Variants in RAPGEF4 observed in about 807,000 individuals in gnomAD.
RAPGEF4 encodes Rap guanine nucleotide exchange factor 4.
In RAPGEF4, 66 loss-of-function variants were observed where a neutral mutation model predicts 147.9. The ratio of observed to expected loss-of-function variants is 0.45; its 90% confidence interval spans 0.37 to 0.55. RAPGEF4 has a LOEUF of 0.55. Ranked by LOEUF, RAPGEF4 falls within the 20% of genes least tolerant of loss-of-function variation. The probability of loss-of-function intolerance (pLI) is 0.00; values close to 1 mark genes in which losing one functional copy is unlikely to be tolerated. For missense variants in RAPGEF4, 1,071 were observed against 1,257.3 expected, an observed-to-expected ratio of 0.85 and a Z score of 2.24; for synonymous variants, 419 against 442.7, an observed-to-expected ratio of 0.95 and a Z score of 0.67.
In RAPGEF4 at chr2:173,048,634, A is replaced by G; in HGVS notation, c.2888A>G (p.Tyr963Cys). 6 of 1,614,180 alleles carry G rather than the reference A, an allele frequency of 3.7e-6. No homozygotes were observed. The highest frequency in any genetic ancestry group is 1.1e-5 in the South Asian group (1 of 91,084). ...GCAAATACGGCCAGAACAGTGAGAT[A>G]CTACAGGAGCCAACCCTTCAGTAAG... Reference protein sequence around the residue: ...MIANTARTVRYYRSQPFNPDA... With the variant: ...MIANTARTVRCYRSQPFNPDA... Residue 963 changes from tyrosine to cysteine, a missense_variant, in exon 30 of 31, where the codon TAC becomes TGC. By Grantham distance (194) the Tyr-to-Cys change is radical (BLOSUM62 -2). Coordinates refer to ENST00000397081, the MANE Select transcript of RAPGEF4 (RefSeq NM_007023.4).
chr2:173,030,627 T>A (rs1363584212), intron 26 of RAPGEF4, among the ~76,000 whole-genome samples: 1 of 152,238 alleles, frequency 6.6e-6, no homozygotes, highest in East Asian at 1.9e-4. Flanking sequence ...TTGCCATAAA[T>A]CTTATCTTTA....
At chr2:172,790,516 C>CTA (rs974341459) in intron 1 of RAPGEF4, among the ~76,000 whole-genome samples, 1 of 152,158 alleles carries the variant, frequency 6.6e-6, no homozygotes. Flanking sequence ...CTAGAGCGAG[C>CTA]TATAATTAGA....
intron 1 of RAPGEF4, among the ~76,000 whole-genome samples, chr2:172,784,593 C>T (rs1435785614): frequency 6.6e-6 from 1 of 151,636 alleles, no homozygotes; most frequent in Non-Finnish European, 1.5e-5. Context: ...ATTTTCAACA[C>T]CTTTCTGAAT....
At chr2:173,039,239 C>T (rs887882634) in intron 29 of RAPGEF4, among the ~76,000 whole-genome samples, 2 of 151,206 alleles carry the variant, frequency 1.3e-5, no homozygotes, top group Admixed American at 1.3e-4. Context: ...GGGTGGATCA[C>T]GAGGTCAGGA....
chr2:172,987,037 G>A (rs1692334651), intron 12 of RAPGEF4, among the ~76,000 whole-genome samples: 1 of 152,154 alleles, frequency 6.6e-6, no homozygotes, highest in African/African-American at 2.4e-5. Flanking sequence ...TACACGCTGG[G>A]TGCAGTGGCT....
At chr2:172,879,873 G>A (rs1281688109) in intron 4 of RAPGEF4, among the ~76,000 whole-genome samples, 2 of 152,158 alleles carry the variant, frequency 1.3e-5, no homozygotes, top group African/African-American at 2.4e-5. Context: ...AGCTTTCTGG[G>A]AAAAGTACTC....
At chr2:172,923,871 T>C (rs144124247) in intron 6 of RAPGEF4, among the ~76,000 whole-genome samples, 2 of 152,324 alleles carry the variant, frequency 1.3e-5, no homozygotes, top group African/African-American at 4.8e-5. Flanking sequence ...ACTCTTCACC[T>C]CTGAAAAATG....
intron 4 of RAPGEF4, among the ~76,000 whole-genome samples, chr2:172,884,404 C>T (rs1268258681): frequency 6.6e-6 from 1 of 152,180 alleles, no homozygotes; most frequent in African/African-American, 2.4e-5. Flanking sequence ...AGCCTCTATC[C>T]CTGTTTGGAC....
intron 17 of RAPGEF4, among the ~76,000 whole-genome samples, chr2:173,005,000 G>A (rs1694289254): frequency 6.6e-6 from 1 of 151,948 alleles, no homozygotes; most frequent in Admixed American, 6.6e-5. Context: ...CAACAAGGGG[G>A]CAAAGATATG....
intron 1 of RAPGEF4, among the ~76,000 whole-genome samples, chr2:172,739,363 G>GT (rs908889419): frequency 2.2e-4 from 33 of 148,064 alleles, no homozygotes; most frequent in Non-Finnish European, 3.9e-4. Flanking sequence ...CATTGTTTAA[G>GT]TTTTTTTGTT....
chr2:172,815,540 A>G (rs1418639399), intron 4 of RAPGEF4, among the ~76,000 whole-genome samples: 2 of 152,248 alleles, frequency 1.3e-5, no homozygotes, highest in Non-Finnish European at 2.9e-5. Context: ...GTAGGTTTGC[A>G]TGAGGTGTAT....
intron 3 of RAPGEF4, among the ~76,000 whole-genome samples, chr2:172,805,659 T>C (rs1687422268): frequency 6.6e-6 from 1 of 152,196 alleles, no homozygotes; most frequent in South Asian, 2.1e-4. Flanking sequence ...GAACATCCAC[T>C]TGGCCTCTAT....
intron 4 of RAPGEF4, among the ~76,000 whole-genome samples, chr2:172,872,965 C>G (rs144847090): frequency 6.6e-6 from 1 of 152,046 alleles, no homozygotes; most frequent in Non-Finnish European, 1.5e-5. Context: ...TCAGACTGAC[C>G]GGAACCATTT....
intron 1 of RAPGEF4, among the ~76,000 whole-genome samples, chr2:172,738,743 A>G (rs1214238737): frequency 6.6e-6 from 1 of 152,196 alleles, no homozygotes; most frequent in Non-Finnish European, 1.5e-5. Flanking sequence ...GGACCTTTCA[A>G]CTGGGAAAAG....
In RAPGEF4 at chr2:172,798,429, C is replaced by G. The variant is rs144917186; in HGVS notation, c.297+816C>G. Among the ~76,000 whole-genome samples, 339 of 152,076 alleles carry G rather than the reference C, an allele frequency of 2.2e-3. 2 individuals carry two copies. Among genetic ancestry groups the G allele is most frequent in the Admixed American group, 0.018 (274 of 15,288 alleles). On this transcript the variant is annotated intron_variant, in intron 3 of 30. Coordinates refer to ENST00000397081, the MANE Select transcript of RAPGEF4 (RefSeq NM_007023.4). ...CTGTTTAGAGCCAAGAATCTCGAGT[C>G]TGAAAAGTATGACCCATAAAAGGCC...
chr2:173,019,986 G>T (rs1032138999), intron 22 of RAPGEF4, among the ~76,000 whole-genome samples: 1 of 152,116 alleles, frequency 6.6e-6, no homozygotes, highest in Admixed American at 6.5e-5. Flanking sequence ...TTTGGAGTGG[G>T]ATTTTTTTTC....
chr2:172,984,893 A>T (rs1449511291), intron 11 of RAPGEF4, among the ~76,000 whole-genome samples: 1 of 151,944 alleles, frequency 6.6e-6, no homozygotes, highest in Non-Finnish European at 1.5e-5. Context: ...TAGAGCCATG[A>T]TTTGGGACCG....
chr2:172,738,382 T>C (rs1694004356), intron 1 of RAPGEF4, among the ~76,000 whole-genome samples: 1 of 152,196 alleles, frequency 6.6e-6, no homozygotes, highest in Non-Finnish European at 1.5e-5. Flanking sequence ...GGGACGGCTC[T>C]ATAAACAGCT....
chr2:172,821,737 TAAAAAAA>T (rs35414922), intron 4 of RAPGEF4: 16,630 of 819,432 alleles, frequency 0.02, 24 homozygotes, highest in Admixed American at 0.043. Context: ...TAACTAAAGT[TAAAAAAA>T]AAAAAAAAAA....
Sources: allele counts gnomAD v4.1 joint callset (sites outside exome capture counted in the v4.1 genomes callset), GRCh38; gene constraint gnomAD v4.1.1; transcripts MANE v1.5; gene names NCBI Gene and HGNC (gene_info 2026-07-23, HGNC 2026-07-21).